Variants in RFX3 observed in about 807,000 individuals in gnomAD.
The protein encoded by RFX3 is regulatory factor X3.
A neutral mutation model predicts 98.6 loss-of-function variants in RFX3; 14 were observed. That is an observed-to-expected ratio of 0.14 (90% CI 0.09 to 0.22). The LOEUF (loss-of-function observed/expected upper bound fraction) is 0.22. RFX3 is among the 10% of genes least tolerant of loss of function. RFX3 has a pLI of 1.00. For synonymous variants in RFX3, 383 were observed against 328.4 expected, an observed-to-expected ratio of 1.17 and a Z score of -1.80; for missense variants, 639 against 926.9, an observed-to-expected ratio of 0.69 and a Z score of 4.03.
At chr9:3,272,848 TAAAC>T (rs1824683868) in intron 9 of RFX3, among the ~76,000 whole-genome samples, 1 of 152,198 alleles carries the variant, frequency 6.6e-6, no homozygotes, top group Non-Finnish European at 1.5e-5. Flanking sequence ...ATATCTTTGA[TAAAC>T]AAATTGTGAG....
intron 1 of RFX3, among the ~76,000 whole-genome samples, chr9:3,467,208 T>C (rs943487296): frequency 2.1e-5 from 3 of 143,706 alleles, no homozygotes; most frequent in African/African-American, 7.9e-5. Context: ...TGTATGTGTA[T>C]ATACATATAT....
intron 1 of RFX3, among the ~76,000 whole-genome samples, chr9:3,430,593 G>C (rs1309720775): frequency 6.6e-6 from 1 of 151,890 alleles, no homozygotes; most frequent in Non-Finnish European, 1.5e-5. Context: ...TAATTTCCTA[G>C]GTCTGCCCTC....
rs942814171 is a variant in RFX3 at position 3,501,100 on chromosome 9, T to A, written c.-9+24647A>T. Among the ~76,000 whole-genome samples, 4 of 152,198 alleles carry A rather than the reference T, an allele frequency of 2.6e-5. No individual in the cohort carries two copies. In the South Asian group the frequency reaches 8.3e-4, roughly 32 times the overall value. The stretch of plus-strand genomic sequence containing the variant: ...GGCATTCGTAAAAGAAACTATATAC[T>A]ATGTAGCTATATAAAATAACATATT... On this transcript the variant is annotated intron_variant, in intron 1 of 16. Coordinates refer to ENST00000617270, the MANE Select transcript of RFX3 (RefSeq NM_001282116.2).
chr9:3,481,723 CA>C (rs1308375308), intron 1 of RFX3, among the ~76,000 whole-genome samples: 1 of 151,666 alleles, frequency 6.6e-6, no homozygotes, highest in African/African-American at 2.4e-5. Context: ...AGAAACTGCC[CA>C]GCAGAAAAAC....
Position 3,317,553 on chromosome 9 carries a change from A to G in RFX3, c.474+12706T>C, listed in dbSNP as rs962688705. ...TAAAACTAAAGAGCTTCTGCACAGC[A>G]AAAGAAACTACCATCAGAGTGAACA... On this transcript the variant is annotated intron_variant, in intron 4 of 16. Transcript: ENST00000617270. 3.9e-5 allele frequency among the ~76,000 whole-genome samples: 6 copies of G among 152,374 alleles called. No homozygotes were observed. In the South Asian group the frequency reaches 6.2e-4, roughly 16 times the overall value.
At chr9:3,502,982 A>T (rs1043484545) in intron 1 of RFX3, among the ~76,000 whole-genome samples, 17 of 152,184 alleles carry the variant, frequency 1.1e-4, no homozygotes, top group African/African-American at 3.4e-4. Context: ...GATGTTTCCT[A>T]ATCAAAAGAG....
At chr9:3,344,335 A>G (rs1834202297) in intron 3 of RFX3, among the ~76,000 whole-genome samples, 1 of 152,152 alleles carries the variant, frequency 6.6e-6, no homozygotes, top group Admixed American at 6.6e-5. Flanking sequence ...CACATTTTGA[A>G]ATATTTGCAT....
At chr9:3,525,049 C>T (rs1259874093) in intron 1 of RFX3, among the ~76,000 whole-genome samples, 2 of 150,358 alleles carry the variant, frequency 1.3e-5, no homozygotes, top group Non-Finnish European at 3.0e-5. Context: ...CTGTTTGCCG[C>T]ACAAAGAAAA....
intron 2 of RFX3, among the ~76,000 whole-genome samples, chr9:3,366,753 T>TCTTTCTTTCTTTC (rs71324243): frequency 6.7e-6 from 1 of 149,442 alleles, no homozygotes; most frequent in African/African-American, 2.5e-5. Flanking sequence ...TTTCTTTCTT[T>TCTTTCTTTCTTTC]TTGGCTATTC....
At chr9:3,387,318 C>T (rs1214746420) in intron 2 of RFX3, among the ~76,000 whole-genome samples, 2 of 152,096 alleles carry the variant, frequency 1.3e-5, no homozygotes. Flanking sequence ...CTGGCACATT[C>T]CTCTTAGAAC....
intron 16 of RFX3, among the ~76,000 whole-genome samples, 199 bp from the exon 17 acceptor site, chr9:3,225,479 A>C (rs1451166106): frequency 6.6e-6 from 1 of 152,184 alleles, no homozygotes; most frequent in Non-Finnish European, 1.5e-5. Flanking sequence ...TAATTCTTTC[A>C]AACATAGTGA....
At chr9:3,253,019 G>C (rs933384553) in intron 14 of RFX3, among the ~76,000 whole-genome samples, 20 of 152,194 alleles carry the variant, frequency 1.3e-4, no homozygotes, top group South Asian at 4.1e-4. Flanking sequence ...GTCCGATTCA[G>C]ACTTCCGTAA....
rs1817423505 is a variant in RFX3 at position 3,223,030 on chromosome 9, T to G, written c.*2012A>C. 2 of 152,198 alleles carry G rather than the reference T, an allele frequency of 1.3e-5. No individual in the cohort carries two copies. Among genetic ancestry groups the G allele is most frequent in the South Asian group, 4.1e-4 (2 of 4,832 alleles). The allele number at this position is 152,198 out of a possible 1,614,324, so 9.4% of individuals were successfully genotyped here. A position where few individuals can be genotyped will look rare whatever the true frequency, so the allele number is the denominator to read the frequency against. ...TACCCGATAAGCCATTTGGTATTTC[T>G]AACTTTACAGACTGGCTCACCTCGT... is the stretch of plus-strand genomic sequence containing the variant. On this transcript the variant is annotated 3_prime_UTR_variant, in exon 17 of 17. Coordinates refer to ENST00000617270, the MANE Select transcript of RFX3 (RefSeq NM_001282116.2).
At chr9:3,342,451 C>A (rs1833994194) in intron 3 of RFX3, among the ~76,000 whole-genome samples, 1 of 152,144 alleles carries the variant, frequency 6.6e-6, no homozygotes, top group African/African-American at 2.4e-5. Context: ...GATATCCATA[C>A]AATGCATACT....
At chr9:3,260,858 TATAA>T (rs1303450691) in intron 13 of RFX3, among the ~76,000 whole-genome samples, 4 of 149,854 alleles carry the variant, frequency 2.7e-5, no homozygotes, top group East Asian at 1.9e-4. Flanking sequence ...TTAAATTAGA[TATAA>T]ATAGATATAA....
At chr9:3,416,822 G>A (rs1332040501) in intron 1 of RFX3, among the ~76,000 whole-genome samples, 1 of 151,852 alleles carries the variant, frequency 6.6e-6, no homozygotes. Context: ...ACAGGAAAAA[G>A]GAACCAAAGA....
chr9:3,432,025 C>T (rs959084246), intron 1 of RFX3, among the ~76,000 whole-genome samples: 4 of 152,038 alleles, frequency 2.6e-5, no homozygotes, highest in Admixed American at 2.6e-4. Context: ...TAAATCTGTT[C>T]CCCAAGCCAT....
chr9:3,517,094 C>T (rs1013036210), intron 1 of RFX3, among the ~76,000 whole-genome samples: 1 of 152,196 alleles, frequency 6.6e-6, no homozygotes, highest in Admixed American at 6.5e-5. Context: ...CCTTTGAGAA[C>T]ATGAGTAAGG....
chr9:3,360,746 C>G (rs993737318), intron 2 of RFX3, among the ~76,000 whole-genome samples: 4 of 152,016 alleles, frequency 2.6e-5, no homozygotes, highest in African/African-American at 9.7e-5. Context: ...AAATTATATA[C>G]CACAGGAAAA....
Sources: gnomAD v4.1 joint callset for allele counts (sites outside exome capture counted in the v4.1 genomes callset) on GRCh38, gnomAD v4.1.1 for gene constraint, MANE v1.5 for transcripts, NCBI Gene and HGNC (gene_info 2026-07-23, HGNC 2026-07-21) for gene names.